TDRKH: variants seen among roughly 807,000 people sequenced by gnomAD.
The protein encoded by TDRKH is tudor and KH domain containing, also known as tudor and KH domain-containing protein.
In TDRKH, 28 loss-of-function variants were observed where a neutral mutation model predicts 61.3. The ratio of observed to expected loss-of-function variants is 0.46; its 90% confidence interval spans 0.34 to 0.63. The LOEUF (loss-of-function observed/expected upper bound fraction) is 0.63. Ranked by LOEUF, TDRKH falls within the 20% of genes least tolerant of loss-of-function variation. The pLI, the probability that TDRKH is intolerant of heterozygous loss-of-function variation, is 0.01. For synonymous variants in TDRKH, 219 were observed against 244.4 expected (o/e 0.90, Z 0.97); for missense variants, 540 against 683.4 (o/e 0.79, Z 2.34).
At chr1:151,769,306 CA>C (rs1648519928), downstream of TDRKH, 16 of 146,860 alleles carry the variant, frequency 1.1e-4, no homozygotes, top group South Asian at 2.1e-4. Context: ...ACCTCCCTCC[CA>C]GACGGGGCGG....
intron 3 of TDRKH, among the ~76,000 whole-genome samples, chr1:151,780,719 G>A (rs985645383): frequency 1.3e-5 from 2 of 151,852 alleles, no homozygotes; most frequent in Non-Finnish European, 2.9e-5. Context: ...GAGTGGTGGC[G>A]GGCACCTGTA....
At chr1:151,775,914 C>T in intron 8 of TDRKH, 30 bp from the exon 9 acceptor site, 1 of 1,607,372 alleles carries the variant, frequency 6.2e-7, no homozygotes, top group South Asian at 1.1e-5. Flanking sequence ...AATTAGAATC[C>T]TGGGGCCAAA....
At position 151,778,818 on chromosome 1, in the gene TDRKH, C is replaced by T. The variant is rs758692899; in HGVS notation, c.750G>A (p.Leu250=). The stretch of plus-strand genomic sequence containing the variant: ...CTCCTCCTTTGGGTGGAGGAGTCAC[C>T]AGGGGTGCAGTCGGCTCCATGCTAG... ...TSSSMEPTAP[L]VTPPPKGGGD... Residue 250 remains leucine, a synonymous_variant, in exon 6 of 13, where the codon CTG becomes CTA. Transcript: ENST00000368824. The T allele has an allele frequency of 6.4e-5, 104 of 1,614,038 alleles. No homozygotes were observed. Among genetic ancestry groups the T allele is most frequent in the Middle Eastern group, 1.6e-4 (1 of 6,084 alleles).
chr1:151,771,560 G>C (rs958503269), downstream of TDRKH: 1 of 343,960 alleles, frequency 2.9e-6, no homozygotes, highest in African/African-American at 2.1e-5. Context: ...CAGAAAGACT[G>C]AGCTTTGTTA....
chr1:151,779,346 A>C (rs966575128), intron 4 of TDRKH, 104 bp from the exon 5 acceptor site: 11 of 1,414,676 alleles, frequency 7.8e-6, no homozygotes, highest in Non-Finnish European at 9.4e-6. Flanking sequence ...ATCAGTTCTC[A>C]TTTCTAAAGT....
downstream of TDRKH, chr1:151,771,353 G>A (rs1045431029): frequency 2.7e-6 from 4 of 1,484,846 alleles, no homozygotes; most frequent in Admixed American, 5.0e-5. Flanking sequence ...GGTTTCTTGG[G>A]GGGGTGGGTA....
At position 151,779,188 on chromosome 1, in the gene TDRKH, G is replaced by C; in HGVS notation, c.476C>G (p.Thr159Ser). The C allele has an allele frequency of 6.2e-7, 1 of 1,614,120 alleles. No individual in the cohort carries two copies. The highest frequency in any genetic ancestry group is 8.5e-7 in the Non-Finnish European group (1 of 1,180,038). ...SICKASGAKI[T>S]CDKESEGTLL... ...TGTCCCTTCTGATTCTTTGTCACAG[G>C]TAATTTTGGCTCCAGATGCCTTACA... Residue 159 changes from threonine (T) to serine (S), a missense_variant, in exon 5 of 13, where the codon ACC (threonine) becomes AGC (serine). Physicochemically the swap from Thr to Ser is moderately conservative, Grantham distance 58. Transcript: ENST00000368824.
upstream of TDRKH, chr1:151,790,519 GCCGCCACTTCC>G (rs1650831039): frequency 6.6e-6 from 1 of 152,392 alleles, no homozygotes; most frequent in South Asian, 2.1e-4. Context: ...CGGCGCTTCA[GCCGCCACTTCC>G]CCGCCCCCGC....
At chr1:151,778,056 C>G (rs1649375194) in intron 6 of TDRKH, among the ~76,000 whole-genome samples, 1 of 152,126 alleles carries the variant, frequency 6.6e-6, no homozygotes, top group Admixed American at 6.5e-5. Flanking sequence ...GAGGTTATAA[C>G]AGAGCGGGCT....
rs1571984510 is a variant in TDRKH at position 151,775,597 on chromosome 1, A to T, written c.1283-54T>A. 7.0e-6 allele frequency: 11 copies of T among 1,565,752 alleles called. No individual in the cohort carries two copies. The East Asian group carries it at 2.2e-4, about 32-fold the overall frequency. On this transcript the variant is annotated intron_variant, in intron 9 of 12. Transcript: ENST00000368824. ...GATAGGGGTGGGGCTTATACCCTGG[A>T]GGGAAGTTGGAACTACCCTTTTCTA...
chr1:151,769,705 T>C (rs993777770), downstream of TDRKH, among the ~76,000 whole-genome samples: 1 of 151,962 alleles, frequency 6.6e-6, no homozygotes, highest in East Asian at 1.9e-4. Flanking sequence ...TCTCGGCACT[T>C]TGGGAGGCCA....
At chr1:151,781,610 G>C (rs1390809268) in intron 2 of TDRKH, 23 bp from the exon 3 acceptor site, 1 of 1,607,564 alleles carries the variant, frequency 6.2e-7, no homozygotes, top group Non-Finnish European at 8.5e-7. Flanking sequence ...TTGTTCATCA[G>C]ATCAGACTTA....
chr1:151,766,740 C>T (rs1451717487), downstream of TDRKH: 28 of 1,553,434 alleles, frequency 1.8e-5, no homozygotes, highest in South Asian at 5.9e-5. Flanking sequence ...TAAGAGGTGT[C>T]GCCCCTCTGT....
At chr1:151,770,006 A>G (rs1057057563), downstream of TDRKH, 9 of 1,111,570 alleles carry the variant, frequency 8.1e-6, no homozygotes, top group Middle Eastern at 2.7e-4. Flanking sequence ...GGTTGCAGTG[A>G]GCCGAGATGG....
downstream of TDRKH, among the ~76,000 whole-genome samples, chr1:151,770,827 T>G (rs1196667353): frequency 6.6e-6 from 1 of 152,188 alleles, no homozygotes; most frequent in Admixed American, 6.5e-5. Flanking sequence ...TTAAATTCTG[T>G]GAGGAGGAAG....
intron 4 of TDRKH, 115 bp from the exon 5 acceptor site, chr1:151,779,357 G>A: frequency 1.5e-6 from 2 of 1,337,582 alleles, no homozygotes; most frequent in Non-Finnish European, 2.0e-6. Flanking sequence ...TTTCTAAAGT[G>A]AACAAAATAC....
intron 1 of TDRKH, among the ~76,000 whole-genome samples, chr1:151,788,113 T>A (rs1650521272): frequency 6.6e-6 from 1 of 152,218 alleles, no homozygotes; most frequent in South Asian, 2.1e-4. Flanking sequence ...ACCAATCCCC[T>A]GCAAATAACG....
At chr1:151,787,139 A>T (rs1650388243) in intron 1 of TDRKH, among the ~76,000 whole-genome samples, 1 of 152,242 alleles carries the variant, frequency 6.6e-6, no homozygotes, top group African/African-American at 2.4e-5. Flanking sequence ...CACACCTCCC[A>T]AACTGCTACT....
chr1:151,768,354 GC>G, downstream of TDRKH: 1 of 1,407,436 alleles, frequency 7.1e-7, no homozygotes, highest in East Asian at 2.5e-5. Flanking sequence ...CACCTGGCAT[GC>G]AGACAAGCCT....
Sources: allele counts gnomAD v4.1 joint callset (sites outside exome capture counted in the v4.1 genomes callset), GRCh38; gene constraint gnomAD v4.1.1; transcripts MANE v1.5; gene names NCBI Gene and HGNC (gene_info 2026-07-23, HGNC 2026-07-21).